The following PRKCA variants were observed in gnomAD, a reference collection of about 807,000 sequenced individuals.
The protein encoded by PRKCA is protein kinase C alpha type.
In PRKCA, 27 loss-of-function variants were observed where a neutral mutation model predicts 87.0. The observed-to-expected ratio is 0.31, with a 90% CI of 0.23 to 0.43. The LOEUF (loss-of-function observed/expected upper bound fraction) is 0.43. PRKCA is among the 20% of genes least tolerant of loss of function. The pLI is 1.00. For synonymous variants in PRKCA, 329 were observed against 311.1 expected (o/e 1.06, Z -0.61); for missense variants, 518 against 852.3 (o/e 0.61, Z 4.88).
intron 3 of PRKCA, among the ~76,000 whole-genome samples, chr17:66,589,354 T>A (rs1969723786): frequency 6.6e-6 from 1 of 152,214 alleles, no homozygotes; most frequent in African/African-American, 2.4e-5. Flanking sequence ...CATAAAATAC[T>A]TATTTTAGAT....
At position 66,377,007 on chromosome 17, in the gene PRKCA, G is replaced by GA. The variant is rs1236076858; in HGVS notation, c.205+70880_205+70881insA. ...GTTCAGTCCCCTGCAAAATCCCAAA[G>GA]CCTCCGGATTTATTTATTTATTTAT... On this transcript the variant is annotated intron_variant, in intron 2 of 16. Coordinates refer to ENST00000413366, the MANE Select transcript of PRKCA (RefSeq NM_002737.3). Among the ~76,000 whole-genome samples, 75 of 150,278 alleles carry GA rather than the reference G, an allele frequency of 5.0e-4. 1 individual carries two copies. Among genetic ancestry groups the GA allele is most frequent in the African/African-American group, 1.7e-3 (68 of 41,050 alleles).
intron 2 of PRKCA, among the ~76,000 whole-genome samples, chr17:66,353,208 G>A (rs76634094): frequency 0.016 from 2,473 of 152,240 alleles, 71 homozygotes; most frequent in African/African-American, 0.056. Context: ...TCCATTAAGT[G>A]CAGCACAAGC....
intron 14 of PRKCA, among the ~76,000 whole-genome samples, chr17:66,781,868 G>GAGAGAGATATATAT (rs1491546533): frequency 6.6e-4 from 66 of 99,306 alleles, no homozygotes; most frequent in African/African-American, 2.4e-3. Flanking sequence ...GAGAGAGAGA[G>GAGAGAGATATATAT]ATATATATAT....
intron 2 of PRKCA, among the ~76,000 whole-genome samples, chr17:66,361,090 C>A (rs1160379798): frequency 6.6e-6 from 1 of 151,586 alleles, no homozygotes; most frequent in African/African-American, 2.4e-5. Flanking sequence ...ATGATGCGGC[C>A]TTGGTTGCTG....
chr17:66,588,760 C>T (rs1254701709), intron 3 of PRKCA, among the ~76,000 whole-genome samples: 1 of 150,266 alleles, frequency 6.7e-6, no homozygotes, highest in East Asian at 2.0e-4. Context: ...AGTGCCCTAG[C>T]CTCCTGAGTA....
chr17:66,490,345 C>CT (rs566074276), intron 2 of PRKCA, among the ~76,000 whole-genome samples: 23,456 of 140,222 alleles, frequency 0.17, 2,268 homozygotes, highest in East Asian at 0.36. Context: ...TTCCAGAACT[C>CT]TTTTTTTTTT....
intron 2 of PRKCA, among the ~76,000 whole-genome samples, chr17:66,443,819 T>C (rs1005069078): frequency 6.6e-6 from 1 of 152,166 alleles, no homozygotes; most frequent in Admixed American, 6.5e-5. Context: ...TGTTCTCTGC[T>C]TGCAGAGGCA....
chr17:66,350,555 C>T (rs1259416659), intron 2 of PRKCA, among the ~76,000 whole-genome samples: 2 of 152,076 alleles, frequency 1.3e-5, no homozygotes, highest in Non-Finnish European at 2.9e-5. Flanking sequence ...CAGGATCTTA[C>T]TCTCTCACCC....
intron 14 of PRKCA, among the ~76,000 whole-genome samples, chr17:66,781,394 C>A (rs1291719465): frequency 1.3e-5 from 2 of 152,150 alleles, no homozygotes; most frequent in Non-Finnish European, 2.9e-5. Flanking sequence ...CTGCTCCATC[C>A]CGGTGGGTCC....
intron 8 of PRKCA, among the ~76,000 whole-genome samples, chr17:66,728,904 G>T (rs1031000969): frequency 1.3e-5 from 2 of 152,222 alleles, no homozygotes; most frequent in African/African-American, 4.8e-5. Context: ...ACTTCACCCA[G>T]GTGAAAGTAG....
chr17:66,786,073 C>G (rs182656495), intron 14 of PRKCA, among the ~76,000 whole-genome samples: 2 of 152,326 alleles, frequency 1.3e-5, no homozygotes, highest in African/African-American at 4.8e-5. Context: ...TGTGATCCGC[C>G]CGCCTCGGCC....
chr17:66,400,399 G>T (rs561495965), intron 2 of PRKCA, among the ~76,000 whole-genome samples: 14 of 152,154 alleles, frequency 9.2e-5, no homozygotes, highest in African/African-American at 3.4e-4. Context: ...TGATCCCCCC[G>T]CCTTGGCCTC....
At chr17:66,368,692 TC>T (rs1908914279) in intron 2 of PRKCA, among the ~76,000 whole-genome samples, 1 of 152,080 alleles carries the variant, frequency 6.6e-6, no homozygotes, top group African/African-American at 2.4e-5. Context: ...ATGCCTGGTC[TC>T]TTAGCCTGCA....
chr17:66,472,007 G>T (rs551919927), intron 2 of PRKCA, among the ~76,000 whole-genome samples: 19 of 152,296 alleles, frequency 1.2e-4, no homozygotes, highest in African/African-American at 3.8e-4. Context: ...TGTTGCCCGG[G>T]CAGGAATGCA....
At chr17:66,496,314 C>T in intron 3 of PRKCA, 31 bp downstream of exon 3, 3 of 1,564,884 alleles carry the variant, frequency 1.9e-6, no homozygotes, top group Non-Finnish European at 1.8e-6. Flanking sequence ...GATTTGATGT[C>T]AATGTGGATT....
intron 2 of PRKCA, among the ~76,000 whole-genome samples, chr17:66,306,552 G>T (rs1229680484): frequency 6.6e-6 from 1 of 151,946 alleles, no homozygotes; most frequent in African/African-American, 2.4e-5. Context: ...TTCTAGTAAG[G>T]GTTTGTTTTG....
At chr17:66,370,134 G>C (rs1186741778) in intron 2 of PRKCA, among the ~76,000 whole-genome samples, 2 of 151,972 alleles carry the variant, frequency 1.3e-5, no homozygotes, top group African/African-American at 4.8e-5. Flanking sequence ...AAGCCTTCCT[G>C]ACGGTAAGGA....
At chr17:66,587,773 A>ATG (rs56964662) in intron 3 of PRKCA, among the ~76,000 whole-genome samples, 4 of 76,092 alleles carry the variant, frequency 5.3e-5, no homozygotes, top group African/African-American at 1.0e-4. Flanking sequence ...ATATACGTAT[A>ATG]TGTGTGTATA....
At chr17:66,662,917 T>C (rs11659139) in intron 5 of PRKCA, among the ~76,000 whole-genome samples, 15,024 of 152,214 alleles carry the variant, frequency 0.099, 793 homozygotes, top group Middle Eastern at 0.18. Context: ...GATAAGTACA[T>C]TTCTCAGAGA....
Sources: allele counts gnomAD v4.1 joint callset (sites outside exome capture counted in the v4.1 genomes callset), GRCh38; gene constraint gnomAD v4.1.1; transcripts MANE v1.5; gene names NCBI Gene and HGNC (gene_info 2026-07-23, HGNC 2026-07-21).